KCNN2: variants seen among roughly 807,000 people sequenced by gnomAD.
KCNN2 encodes the protein potassium calcium-activated channel subfamily N member 2.
Under a neutral mutation model 55.5 loss-of-function variants are expected in KCNN2, and 24 were observed. The ratio of observed to expected loss-of-function variants is 0.43; its 90% confidence interval spans 0.31 to 0.61. The LOEUF (loss-of-function observed/expected upper bound fraction) is 0.61, where lower values mean the gene tolerates loss of function less well. Among genes scored for constraint, KCNN2 ranks in the 20% least tolerant of loss-of-function variants. The probability of loss-of-function intolerance (pLI) is 0.08; values close to 1 mark genes in which losing one functional copy is unlikely to be tolerated. For synonymous variants in KCNN2, 431 were observed against 336.1 expected (o/e 1.28, Z -3.09); for missense variants, 754 against 853.6 (o/e 0.88, Z 1.45).
chr5:114,163,431 A>G (rs957709613), intron 1 of KCNN2, among the ~76,000 whole-genome samples: 1 of 152,196 alleles, frequency 6.6e-6, no homozygotes, highest in Non-Finnish European at 1.5e-5. Context: ...GGTTAGTTAT[A>G]TATGGCTGTT....
chr5:114,181,664 T>G (rs1344171253), intron 1 of KCNN2, among the ~76,000 whole-genome samples: 2 of 152,206 alleles, frequency 1.3e-5, no homozygotes, highest in Non-Finnish European at 1.5e-5. Context: ...TCTTTTATGT[T>G]TGCTTCGAAA....
At chr5:114,393,200 A>G (rs1351365191) in intron 2 of KCNN2, among the ~76,000 whole-genome samples, 3 of 152,224 alleles carry the variant, frequency 2.0e-5, no homozygotes, top group Admixed American at 2.0e-4. Flanking sequence ...CCTTACAAAT[A>G]GAAGCATTCA....
At chr5:114,429,860 T>C (rs993175333) in intron 3 of KCNN2, among the ~76,000 whole-genome samples, 3 of 149,022 alleles carry the variant, frequency 2.0e-5, no homozygotes, top group African/African-American at 7.4e-5. Context: ...GATGCCCTGT[T>C]GTTCTAGCAT....
chr5:114,153,203 C>T (rs1478401955), intron 1 of KCNN2, among the ~76,000 whole-genome samples: 2 of 152,136 alleles, frequency 1.3e-5, no homozygotes, highest in African/African-American at 4.8e-5. Flanking sequence ...TTCATGTTGT[C>T]AGGTCTGGAA....
At chr5:114,435,342 T>C (rs1580831554) in intron 3 of KCNN2, among the ~76,000 whole-genome samples, 1 of 152,212 alleles carries the variant, frequency 6.6e-6, no homozygotes. Flanking sequence ...TGGTTTGTCT[T>C]GTGACCTTAA....
At chr5:114,282,623 T>G (rs1462546139) in intron 2 of KCNN2, among the ~76,000 whole-genome samples, 1 of 152,186 alleles carries the variant, frequency 6.6e-6, no homozygotes, top group Non-Finnish European at 1.5e-5. Flanking sequence ...GAGGCTGGCC[T>G]ACATTTGTGT....
intron 1 of KCNN2, among the ~76,000 whole-genome samples, chr5:114,189,793 G>A (rs1195184191): frequency 2.6e-5 from 4 of 152,076 alleles, no homozygotes; most frequent in Non-Finnish European, 5.9e-5. Context: ...AGAAAGATAC[G>A]CACACATACA....
chr5:114,331,296 G>A (rs1756817875), intron 2 of KCNN2, among the ~76,000 whole-genome samples: 1 of 152,166 alleles, frequency 6.6e-6, no homozygotes, highest in Non-Finnish European at 1.5e-5. Context: ...AGAGCTGAAA[G>A]TAGAAGATGC....
chr5:114,354,695 T>C (rs1203722132), intron 2 of KCNN2, among the ~76,000 whole-genome samples: 1 of 152,140 alleles, frequency 6.6e-6, no homozygotes, highest in Non-Finnish European at 1.5e-5. Flanking sequence ...AAGTATCCAA[T>C]AGTTTCAACT....
intron 1 of KCNN2, among the ~76,000 whole-genome samples, chr5:114,157,341 T>G (rs1187533703): frequency 6.6e-6 from 1 of 152,150 alleles, no homozygotes; most frequent in African/African-American, 2.4e-5. Context: ...GAACTCATCA[T>G]TTTTTATGGC....
chr5:114,374,776 T>C (rs1427157997), intron 2 of KCNN2, among the ~76,000 whole-genome samples: 2 of 152,216 alleles, frequency 1.3e-5, no homozygotes, highest in East Asian at 3.8e-4. Context: ...GAATTAATTA[T>C]GTAGACCATT....
chr5:114,487,013 T>C (rs1747589311), intron 5 of KCNN2, 37 bp from the exon 6 acceptor site: 1 of 1,610,930 alleles, frequency 6.2e-7, no homozygotes, highest in Non-Finnish European at 8.5e-7. Context: ...GATTCTGCTC[T>C]GGAATTTATC....
At chr5:114,081,857 C>G (rs1371919470) in intron 1 of KCNN2, among the ~76,000 whole-genome samples, 1 of 152,102 alleles carries the variant, frequency 6.6e-6, no homozygotes, top group East Asian at 1.9e-4. Flanking sequence ...AATTATTTGC[C>G]AATCTATTTC....
chr5:114,329,879 C>T (rs1444276440), intron 2 of KCNN2, among the ~76,000 whole-genome samples: 1 of 152,164 alleles, frequency 6.6e-6, no homozygotes, highest in Non-Finnish European at 1.5e-5. Flanking sequence ...CCTGATGCTG[C>T]TGTGTCATGC....
intron 2 of KCNN2, among the ~76,000 whole-genome samples, chr5:114,399,071 A>G (rs868057300): frequency 4.7e-4 from 71 of 152,316 alleles, no homozygotes; most frequent in African/African-American, 1.7e-3. Flanking sequence ...TAAGACTTCC[A>G]GTACTGTGTT....
chr5:114,361,198 C>G (rs1757410108), upstream of KCNN2: 1 of 152,222 alleles, frequency 6.6e-6, no homozygotes, highest in Non-Finnish European at 1.5e-5. Context: ...CCAGGGGGGA[C>G]CCGGGAAGCC....
At chr5:114,373,657 T>TATATATATATATATAA (rs1175218618) in intron 2 of KCNN2, among the ~76,000 whole-genome samples, 4 of 117,642 alleles carry the variant, frequency 3.4e-5, no homozygotes, top group Admixed American at 9.6e-5. Context: ...TATATATATA[T>TATATATATATATATAA]AAAATTACTT....
At chr5:114,154,270 C>A (rs965621110) in intron 1 of KCNN2, among the ~76,000 whole-genome samples, 17 of 152,074 alleles carry the variant, frequency 1.1e-4, no homozygotes, top group Admixed American at 5.2e-4. Flanking sequence ...AGTGTTATGG[C>A]ATGTGCAGAG....
chr5:114,357,062 T>G (rs1057319557), intron 2 of KCNN2, among the ~76,000 whole-genome samples: 4 of 152,036 alleles, frequency 2.6e-5, no homozygotes, highest in Admixed American at 1.3e-4. Context: ...AAACATTTAC[T>G]TTGTAGGTCA....
Sources: allele counts gnomAD v4.1 joint callset (sites outside exome capture counted in the v4.1 genomes callset), GRCh38; gene constraint gnomAD v4.1.1; transcripts MANE v1.5; gene names NCBI Gene and HGNC (gene_info 2026-07-23, HGNC 2026-07-21).